MAGI3: variants seen among roughly 807,000 people sequenced by gnomAD.
MAGI3 encodes the protein membrane associated guanylate kinase, WW and PDZ domain containing 3.
Under a neutral mutation model 121.8 loss-of-function variants are expected in MAGI3, and 43 were observed. That is an observed-to-expected ratio of 0.35 (90% CI 0.28 to 0.46). The LOEUF is 0.46. Ranked by LOEUF, MAGI3 falls within the 20% of genes least tolerant of loss-of-function variation. The pLI is 1.00. For synonymous variants in MAGI3, 553 were observed against 639.3 expected (o/e 0.86, Z 2.04); for missense variants, 1,547 against 1,797.3 (o/e 0.86, Z 2.52).
At chr1:113,592,805 G>A (rs1648766322) in intron 5 of MAGI3, among the ~76,000 whole-genome samples, 1 of 152,160 alleles carries the variant, frequency 6.6e-6, no homozygotes, top group South Asian at 2.1e-4. Context: ...GAGGTCAGGA[G>A]ATCGAGACCA....
chr1:113,540,307 A>G (rs889992473), intron 1 of MAGI3, among the ~76,000 whole-genome samples: 8 of 152,248 alleles, frequency 5.3e-5, no homozygotes, highest in Non-Finnish European at 8.8e-5. Flanking sequence ...CACACAAAAC[A>G]TAATTTCTGA....
chr1:113,402,360 A>G (rs1231112979), intron 1 of MAGI3, among the ~76,000 whole-genome samples: 4 of 152,156 alleles, frequency 2.6e-5, no homozygotes, highest in African/African-American at 9.7e-5. Flanking sequence ...AGCCTTTATA[A>G]TGGTGTAACT....
At chr1:113,543,884 AAT>A (rs1659407628) in intron 1 of MAGI3, among the ~76,000 whole-genome samples, 1 of 151,826 alleles carries the variant, frequency 6.6e-6, no homozygotes, top group Non-Finnish European at 1.5e-5. Context: ...AAAAAAAAAA[AAT>A]TTAAACTGAT....
At chr1:113,662,257 A>T (rs1263903296) in intron 16 of MAGI3, among the ~76,000 whole-genome samples, 1 of 152,110 alleles carries the variant, frequency 6.6e-6, no homozygotes, top group Non-Finnish European at 1.5e-5. Flanking sequence ...GTTGCCAAGG[A>T]TATGGTAAGG....
At chr1:113,657,975 C>A (rs1653573650) in intron 15 of MAGI3, among the ~76,000 whole-genome samples, 1 of 152,132 alleles carries the variant, frequency 6.6e-6, no homozygotes, top group Non-Finnish European at 1.5e-5. Context: ...ATTTAAATGT[C>A]CCTTACATAC....
At chr1:113,578,157 ATCAC>A (rs954405929) in intron 2 of MAGI3, among the ~76,000 whole-genome samples, 2 of 152,088 alleles carry the variant, frequency 1.3e-5, no homozygotes, top group African/African-American at 4.8e-5. Flanking sequence ...GGCTCTCTTT[ATCAC>A]TCAGTAGTCT....
chr1:113,669,884 TG>T (rs1253931799), intron 16 of MAGI3, among the ~76,000 whole-genome samples: 2 of 151,636 alleles, frequency 1.3e-5, no homozygotes, highest in African/African-American at 4.9e-5. Flanking sequence ...GTGTTAAAAC[TG>T]GAGTCTAAGG....
intron 1 of MAGI3, among the ~76,000 whole-genome samples, chr1:113,447,264 G>A (rs533561518): frequency 6.6e-6 from 1 of 152,340 alleles, no homozygotes; most frequent in East Asian, 1.9e-4. Context: ...TTTAGAACTG[G>A]GAAGTCCAAG....
chr1:113,437,902 CT>C (rs1213569347), intron 1 of MAGI3, among the ~76,000 whole-genome samples: 7 of 3,652 alleles, frequency 1.9e-3, no homozygotes, highest in African/African-American at 5.1e-3. Flanking sequence ...CCTTCTCCTT[CT>C]CCTTCTCCTT....
intron 1 of MAGI3, among the ~76,000 whole-genome samples, chr1:113,481,440 T>C (rs1656107434): frequency 6.6e-6 from 1 of 152,184 alleles, no homozygotes; most frequent in East Asian, 1.9e-4. Flanking sequence ...TACATTCAAT[T>C]ATGTTAGCTA....
intron 1 of MAGI3, among the ~76,000 whole-genome samples, chr1:113,446,355 A>C (rs767205347): frequency 1.3e-5 from 2 of 152,222 alleles, no homozygotes; most frequent in Non-Finnish European, 2.9e-5. Context: ...TAATCCCCAT[A>C]GTAACCACAA....
intron 1 of MAGI3, among the ~76,000 whole-genome samples, chr1:113,450,928 A>G (rs536105234): frequency 1.3e-5 from 2 of 152,350 alleles, no homozygotes; most frequent in East Asian, 3.9e-4. Context: ...CAGGACTGTC[A>G]TAGCCACAGT....
intron 1 of MAGI3, among the ~76,000 whole-genome samples, chr1:113,544,856 C>A (rs905253214): frequency 2.0e-4 from 30 of 152,208 alleles, no homozygotes; most frequent in African/African-American, 7.0e-4. Context: ...TAGCAGAAAT[C>A]CTTTTCCTAT....
chr1:113,644,487 T>G (rs1033681276), intron 11 of MAGI3, among the ~76,000 whole-genome samples: 1 of 152,132 alleles, frequency 6.6e-6, no homozygotes, highest in African/African-American at 2.4e-5. Context: ...TTCACCATGT[T>G]GGCTAGGATG....
intron 3 of MAGI3, 47 bp downstream of exon 3, chr1:113,580,708 G>T (rs750480758): frequency 6.7e-7 from 1 of 1,501,330 alleles, no homozygotes; most frequent in South Asian, 1.4e-5. Flanking sequence ...CTATCTGAAC[G>T]ACTGGAATTA....
intron 1 of MAGI3, among the ~76,000 whole-genome samples, chr1:113,512,862 T>A (rs1238282090): frequency 1.3e-5 from 2 of 152,194 alleles, no homozygotes; most frequent in Admixed American, 6.5e-5. Context: ...GACATGATAG[T>A]ATATCTAGAA....
At chr1:113,561,324 T>C (rs1181314697) in intron 2 of MAGI3, among the ~76,000 whole-genome samples, 2 of 152,134 alleles carry the variant, frequency 1.3e-5, no homozygotes, top group Admixed American at 1.3e-4. Flanking sequence ...AAAGAAAACT[T>C]CAGGCCAGTA....
At position 113,666,166 on chromosome 1, in the gene MAGI3, G is replaced by A. The variant is rs765834798; in HGVS notation, c.2816-5568G>A. 2.0e-5 allele frequency among the ~76,000 whole-genome samples: 3 copies of A among 152,306 alleles called. No homozygotes were observed. The South Asian group carries it at 6.2e-4, about 32-fold the overall frequency. On this transcript the variant is annotated intron_variant, in intron 16 of 20. Coordinates refer to ENST00000307546, the MANE Select transcript of MAGI3 (RefSeq NM_001142782.2). The stretch of plus-strand genomic sequence containing the variant: ...TGGTTGCTGACTGATTTGGGTGGTA[G>A]TTACTGAAGGTTGAGGTGGCTGTAG...
chr1:113,477,327 G>A (rs900691958), intron 1 of MAGI3, among the ~76,000 whole-genome samples: 1 of 152,128 alleles, frequency 6.6e-6, no homozygotes, highest in African/African-American at 2.4e-5. Context: ...AGCATCGATG[G>A]TCTTTACAAT....
Sources: gnomAD v4.1 joint callset for allele counts (sites outside exome capture counted in the v4.1 genomes callset) on GRCh38, gnomAD v4.1.1 for gene constraint, MANE v1.5 for transcripts, NCBI Gene and HGNC (gene_info 2026-07-23, HGNC 2026-07-21) for gene names.